The following ANTXRL variants were observed in gnomAD, a reference collection of about 807,000 sequenced individuals.
ANTXRL encodes ANTXR like.
In ANTXRL, 63 loss-of-function variants were observed where a neutral mutation model predicts 75.4. The ratio of observed to expected loss-of-function variants is 0.84; its 90% CI spans 0.68 to 1.03. The LOEUF is 1.03. ANTXRL is among the 50% of genes least tolerant of loss of function. The pLI, the probability that ANTXRL is intolerant of heterozygous loss-of-function variation, is 0.00. For missense variants in ANTXRL, 797 were observed against 789.4 expected (o/e 1.01, Z -0.12); for synonymous variants, 335 against 291.3 (o/e 1.15, Z -1.53).
chr10:46,287,296 C>T lies in ANTXRL; in HGVS notation c.34C>T (p.Leu12=), dbSNP rs1836803210. The T allele has an allele frequency of 6.5e-7, 1 of 1,535,918 alleles. No individual in the cohort carries two copies. The highest frequency in any genetic ancestry group is 1.4e-5 in the African/African-American group (1 of 73,114). The part of the protein sequence containing the change: ...GSHESLGPYF[L]VFLLLLLLPP... ...CCATGAGTCCCTGGGGCCCTACTTC[C>T]TGGTCTTCCTGCTGCTGCTGCTGCT... The change falls in exon 1 of 17, where the codon CTG becomes TTG. Residue 12 remains leucine (L), a synonymous_variant. Transcript: ENST00000620264.
intron 9 of ANTXRL, among the ~76,000 whole-genome samples, chr10:46,301,016 T>TA (rs1837701499): frequency 8.4e-6 from 1 of 118,750 alleles, no homozygotes; most frequent in South Asian, 2.7e-4. Context: ...CCATCCACCT[T>TA]GAAAAAAAAA....
chr10:46,322,507 C>G (rs1441469295), intron 16 of ANTXRL, among the ~76,000 whole-genome samples: 1 of 151,718 alleles, frequency 6.6e-6, no homozygotes, highest in African/African-American at 2.4e-5. Flanking sequence ...AATATACTAC[C>G]TGAAGTTTTT....
chr10:46,299,773 G>A (rs1261950353), intron 9 of ANTXRL, among the ~76,000 whole-genome samples: 2 of 152,288 alleles, frequency 1.3e-5, no homozygotes, highest in South Asian at 2.1e-4. Context: ...CAGGCCTCTC[G>A]TGAGTCCAAA....
rs1304632680 is a variant in ANTXRL at position 46,309,121 on chromosome 10, C to T, written c.1053C>T (p.Phe351=). ...CTCTCTTTCTCCACCAGGGCATTTT[C>T]CGCAACTGGCTCTATTTTGTGCCAC... ...VSITSTTCGI[F]RNWLYFVPLL... The change falls in exon 13 of 17, where the codon TTC becomes TTT. Residue 351 remains phenylalanine (F), a synonymous_variant. Coordinates refer to ENST00000620264, the MANE Select transcript of ANTXRL (RefSeq NM_001278688.3). 10 of 1,527,454 alleles carry T rather than the reference C, an allele frequency of 6.5e-6. No individual in the cohort carries two copies. The highest frequency in any genetic ancestry group is 4.9e-5 in the East Asian group (2 of 40,920). The allele number at this position is 1,527,454 out of a possible 1,614,324, so 94.6% of individuals were successfully genotyped here.
Position 46,329,790 on chromosome 10 carries a change from G to A in ANTXRL, c.1602G>A (p.Leu534=), listed in dbSNP as rs2132954964. 1 of 1,534,200 alleles carries A rather than the reference G, an allele frequency of 6.5e-7. No homozygotes were observed. Among genetic ancestry groups the A allele is most frequent in the Non-Finnish European group, 8.7e-7 (1 of 1,146,476 alleles). ...CTCGCTGCAGCCCAAACATCTGCCT[G>A]AGACACAGCCAACACAGCAGGGAGT... ...KQARCSPNIC[L]RHSQHSRECL... Residue 534 remains leucine (L), a synonymous_variant, in exon 17 of 17, where the codon CTG becomes CTA. Transcript: ENST00000620264.
intron 16 of ANTXRL, among the ~76,000 whole-genome samples, chr10:46,314,157 G>A (rs532447149): frequency 6.6e-6 from 1 of 152,316 alleles, no homozygotes; most frequent in South Asian, 2.1e-4. Context: ...GCATGGACAA[G>A]GCCTTGCAGG....
chr10:46,327,484 C>T (rs1194697711), intron 16 of ANTXRL, among the ~76,000 whole-genome samples: 5 of 152,062 alleles, frequency 3.3e-5, no homozygotes, highest in Admixed American at 2.0e-4. Flanking sequence ...GCTGCAGACA[C>T]AGGTGGCTCA....
At chr10:46,307,314 G>T in intron 11 of ANTXRL, 88 bp from the exon 12 acceptor site, 2 of 947,186 alleles carry the variant, frequency 2.1e-6, no homozygotes, top group Admixed American at 2.0e-5. Context: ...AGTGTTTGGG[G>T]AATGACCTCT....
At chr10:46,286,780 A>C (rs1836783716), upstream of ANTXRL, among the ~76,000 whole-genome samples, 1 of 152,050 alleles carries the variant, frequency 6.6e-6, no homozygotes, top group African/African-American at 2.4e-5. Context: ...CACCCACAGC[A>C]ATGTCCTCAC....
chr10:46,306,633 G>C (rs1838102644), intron 10 of ANTXRL, among the ~76,000 whole-genome samples, 170 bp from the exon 11 acceptor site: 1 of 152,172 alleles, frequency 6.6e-6, no homozygotes, highest in Admixed American at 6.5e-5. Context: ...ACAGAGTGCT[G>C]CACAGGGCCT....
intron 11 of ANTXRL, 51 bp from the exon 12 acceptor site, chr10:46,307,351 A>G: frequency 7.6e-7 from 1 of 1,314,432 alleles, no homozygotes; most frequent in Admixed American, 2.0e-5. Flanking sequence ...CAAGGGCAAG[A>G]ACTGCATCTC....
chr10:46,290,394 A>T (rs75708990), intron 1 of ANTXRL, among the ~76,000 whole-genome samples: 5,484 of 152,156 alleles, frequency 0.036, 205 homozygotes, highest in East Asian at 0.12. Context: ...GCCATTTGGC[A>T]ATTGTGAATA....
chr10:46,310,624 C>A, intron 14 of ANTXRL, 125 bp downstream of exon 14: 1 of 1,018,084 alleles, frequency 9.8e-7, no homozygotes, highest in Non-Finnish European at 1.5e-6. Flanking sequence ...GACAGAGGGG[C>A]AGAATGGAGC....
In ANTXRL at chr10:46,330,122, G is replaced by C. The variant is rs1287802300; in HGVS notation, c.*38G>C. ...CCAAGATTAACAGGCTTTTGTTGCTGAACTGGACATATACATTGAGTCTTT... is the reference window on the plus strand; with the variant it reads ...CCAAGATTAACAGGCTTTTGTTGCTCAACTGGACATATACATTGAGTCTTT... On this transcript the variant is annotated 3_prime_UTR_variant, in exon 17 of 17. Coordinates refer to ENST00000620264, the MANE Select transcript of ANTXRL (RefSeq NM_001278688.3). 5 of 1,466,826 alleles carry C rather than the reference G, an allele frequency of 3.4e-6. No individual in the cohort carries two copies. In the East Asian group the frequency reaches 7.4e-5, roughly 22 times the overall value. 90.9% of individuals were successfully genotyped at this position (1,466,826 alleles called of 1,614,324 possible).
At chr10:46,305,108 C>A (rs2132757832) in intron 10 of ANTXRL, among the ~76,000 whole-genome samples, 1 of 152,278 alleles carries the variant, frequency 6.6e-6, no homozygotes, top group East Asian at 1.9e-4. Flanking sequence ...GGAAGAGATC[C>A]CCGGAACATG....
chr10:46,304,284 TA>T (rs1554961312), intron 10 of ANTXRL, among the ~76,000 whole-genome samples: 1 of 152,170 alleles, frequency 6.6e-6, no homozygotes, highest in African/African-American at 2.4e-5. Flanking sequence ...AGTTTCTCTC[TA>T]AAAGAAAACA....
At chr10:46,296,289 G>T in intron 5 of ANTXRL, 37 bp downstream of exon 5, 2 of 1,533,030 alleles carry the variant, frequency 1.3e-6, no homozygotes, top group Non-Finnish European at 1.7e-6. Flanking sequence ...TCCTGTAGGG[G>T]GAACAGAGCT....
chr10:46,329,243 C>A (rs1350967865), intron 16 of ANTXRL, among the ~76,000 whole-genome samples: 4 of 152,162 alleles, frequency 2.6e-5, no homozygotes, highest in South Asian at 4.1e-4. Context: ...AGCACTCATC[C>A]CTTCCACATG....
At chr10:46,317,761 A>G (rs1430693156) in intron 16 of ANTXRL, among the ~76,000 whole-genome samples, 1 of 152,190 alleles carries the variant, frequency 6.6e-6, no homozygotes, top group Non-Finnish European at 1.5e-5. Context: ...CGGGAAATAC[A>G]AAGATTGAGC....
Sources: gnomAD v4.1 joint callset for allele counts (sites outside exome capture counted in the v4.1 genomes callset) on GRCh38, gnomAD v4.1.1 for gene constraint, MANE v1.5 for transcripts, NCBI Gene and HGNC (gene_info 2026-07-23, HGNC 2026-07-21) for gene names.